Variants in CYREN observed in about 807,000 individuals in gnomAD.
CYREN encodes cell cycle regulator of non-homologous end joining.
Under a neutral mutation model 9.7 loss-of-function variants are expected in CYREN, and 7 were observed. The observed-to-expected ratio is 0.72, with a 90% CI of 0.41 to 1.36. The LOEUF (loss-of-function observed/expected upper bound fraction) is 1.36. Ranked by LOEUF, CYREN falls within the 40% of genes most tolerant of loss-of-function variation. The pLI is 0.01. For synonymous variants in CYREN, 76 were observed against 77.9 expected, an observed-to-expected ratio of 0.98 and a Z score of 0.13; for missense variants, 215 against 198.1, an observed-to-expected ratio of 1.09 and a Z score of -0.51.
intron 2 of CYREN, among the ~76,000 whole-genome samples, chr7:135,148,875 A>G (rs1290398948): frequency 6.6e-6 from 1 of 152,162 alleles, no homozygotes; most frequent in Admixed American, 6.5e-5. Context: ...CTCTTGATGC[A>G]TATTTTAAGA....
intron 2 of CYREN, chr7:135,152,670 C>T (rs1035856941): frequency 6.6e-6 from 1 of 152,228 alleles, no homozygotes; most frequent in African/African-American, 2.4e-5. Flanking sequence ...CAGACACCTT[C>T]CACTGATCAA....
chr7:135,137,301 G>C (rs530130421), intron 2 of CYREN, among the ~76,000 whole-genome samples: 8 of 151,860 alleles, frequency 5.3e-5, no homozygotes, highest in Non-Finnish European at 1.2e-4. Flanking sequence ...CACAACTGAG[G>C]AAAGAGTCAG....
chr7:135,128,759 C>T, intron 2 of CYREN: 1 of 1,351,600 alleles, frequency 7.4e-7, no homozygotes, highest in South Asian at 1.3e-5. Context: ...TCTCCCAACA[C>T]AGAGCTAGAT....
intron 2 of CYREN, among the ~76,000 whole-genome samples, chr7:135,108,254 T>C (rs1825065744): frequency 6.6e-6 from 1 of 152,142 alleles, no homozygotes; most frequent in Non-Finnish European, 1.5e-5. Context: ...GATCCTGTCA[T>C]TGTGTTGTTA....
downstream of CYREN, chr7:135,165,181 C>T: frequency 1.6e-6 from 1 of 616,790 alleles, no homozygotes. Context: ...GCACCTGTGA[C>T]TTCTTAGTAC....
rs1490173252 is a variant in CYREN, at chr7:135,166,764, G to C, written c.321C>G (p.Ser107Arg). ...GTTTCCCACTGTCCTCTTCCTCACTGCTGCTCCCAGAACTTGTGTGAGGCG... is the reference window on the plus strand; with the variant it reads ...GTTTCCCACTGTCCTCTTCCTCACTCCTGCTCCCAGAACTTGTGTGAGGCG... ...SVSPHTSSGS[S>R]SEEEDSGKQA... The change falls in exon 4 of 4, where the codon AGC becomes AGG. Residue 107 changes from serine to arginine, a missense_variant. Transcript: ENST00000393114. 1 of 1,613,984 alleles carries C rather than the reference G, an allele frequency of 6.2e-7. No homozygotes were observed. Among genetic ancestry groups the C allele is most frequent in the Non-Finnish European group, 8.5e-7 (1 of 1,180,044 alleles).
At chr7:135,094,757 C>T (rs1183869807) in intron 2 of CYREN, among the ~76,000 whole-genome samples, 1 of 152,106 alleles carries the variant, frequency 6.6e-6, no homozygotes, top group Non-Finnish European at 1.5e-5. Flanking sequence ...AGAGACCATA[C>T]CACCCAAGAG....
At chr7:135,128,837 T>C (rs750722516) in intron 2 of CYREN, 30 of 1,171,946 alleles carry the variant, frequency 2.6e-5, no homozygotes, top group Non-Finnish European at 3.7e-5. Flanking sequence ...GTGTGCAGGA[T>C]GTGGAATCAT....
At chr7:135,146,415 A>T (rs2007309512) in intron 2 of CYREN, among the ~76,000 whole-genome samples, 1 of 152,226 alleles carries the variant, frequency 6.6e-6, no homozygotes, top group Non-Finnish European at 1.5e-5. Context: ...CCAAAATGTG[A>T]CACAGAGACA....
At chr7:135,113,204 C>T (rs1825879261) in intron 2 of CYREN, among the ~76,000 whole-genome samples, 1 of 152,138 alleles carries the variant, frequency 6.6e-6, no homozygotes, top group Non-Finnish European at 1.5e-5. Flanking sequence ...TAGCTTAAAG[C>T]AATGTGTGCT....
At chr7:135,105,025 T>A (rs1824442294) in intron 2 of CYREN, among the ~76,000 whole-genome samples, 1 of 151,752 alleles carries the variant, frequency 6.6e-6, no homozygotes, top group South Asian at 2.1e-4. Context: ...TAGTATTGCC[T>A]AGGTTGTCTT....
intron 2 of CYREN, among the ~76,000 whole-genome samples, chr7:135,109,650 G>A (rs1164143251): frequency 6.6e-6 from 1 of 151,904 alleles, no homozygotes; most frequent in African/African-American, 2.4e-5. Flanking sequence ...TGAAACTGTT[G>A]CTGACAGAAA....
intron 2 of CYREN, chr7:135,152,906 C>A (rs1321537008): frequency 1.3e-5 from 2 of 152,134 alleles, no homozygotes; most frequent in Non-Finnish European, 2.9e-5. Flanking sequence ...GCTGGTGGTG[C>A]CCGATGGGGA....
chr7:135,097,715 T>C (rs929765484), intron 2 of CYREN, among the ~76,000 whole-genome samples: 1 of 152,132 alleles, frequency 6.6e-6, no homozygotes, highest in African/African-American at 2.4e-5. Flanking sequence ...ATGAGACTTC[T>C]GACTTTATGG....
intron 2 of CYREN, among the ~76,000 whole-genome samples, chr7:135,149,496 G>A (rs1308763398): frequency 6.6e-6 from 1 of 152,180 alleles, no homozygotes; most frequent in Non-Finnish European, 1.5e-5. Context: ...ACATTCCTAT[G>A]TATAAATTAT....
chr7:135,143,270 C>A (rs933630371), intron 2 of CYREN, among the ~76,000 whole-genome samples: 1 of 152,106 alleles, frequency 6.6e-6, no homozygotes, highest in African/African-American at 2.4e-5. Flanking sequence ...AAATAACAGA[C>A]AGATCAATGA....
intron 2 of CYREN, among the ~76,000 whole-genome samples, chr7:135,156,886 T>C (rs1344763740): frequency 1.3e-5 from 2 of 152,180 alleles, no homozygotes; most frequent in East Asian, 3.9e-4. Context: ...GGGCTGGTCT[T>C]TCCCATGCTA....
chr7:135,104,779 T>A (rs1229207563), intron 2 of CYREN, among the ~76,000 whole-genome samples: 1 of 150,742 alleles, frequency 6.6e-6, no homozygotes, highest in Non-Finnish European at 1.5e-5. Context: ...GCTGTTTGGT[T>A]TTTTTTTTTC....
intron 2 of CYREN, among the ~76,000 whole-genome samples, chr7:135,136,440 G>C (rs1438988537): frequency 6.6e-6 from 1 of 152,056 alleles, no homozygotes; most frequent in Non-Finnish European, 1.5e-5. Flanking sequence ...AAATACATTA[G>C]ATGGTGCTTT....
Sources: allele counts gnomAD v4.1 joint callset (sites outside exome capture counted in the v4.1 genomes callset), GRCh38; gene constraint gnomAD v4.1.1; transcripts MANE v1.5; gene names NCBI Gene and HGNC (gene_info 2026-07-23, HGNC 2026-07-21).